Variants in COL6A5 observed in about 807,000 individuals in gnomAD.
The protein encoded by COL6A5 is collagen alpha-5(VI) chain.
COL6A5 carries 48 observed loss-of-function variants against 65.6 expected under a neutral mutation model. The observed-to-expected ratio is 0.73, with a 90% confidence interval of 0.58 to 0.93. COL6A5 has a LOEUF of 0.93. COL6A5 is among the 40% of genes least tolerant of loss of function. COL6A5 has a pLI of 0.00. For missense variants in COL6A5, 914 were observed against 928.3 expected, an observed-to-expected ratio of 0.98 and a Z score of 0.20; for synonymous variants, 291 against 322.8, an observed-to-expected ratio of 0.90 and a Z score of 1.05.
At chr3:130,383,807 A>G (rs992649850) in intron 4 of COL6A5, among the ~76,000 whole-genome samples, 2 of 152,100 alleles carry the variant, frequency 1.3e-5, no homozygotes, top group Admixed American at 1.3e-4. Flanking sequence ...AAGCAAAAAT[A>G]GTTTTTCATA....
chr3:130,482,341 G>A (rs1318197628), intron 7 of COL6A5, among the ~76,000 whole-genome samples: 1 of 152,108 alleles, frequency 6.6e-6, no homozygotes, highest in Non-Finnish European at 1.5e-5. Context: ...GTTTGTCAAA[G>A]ATCAGATGGT....
intron 5 of COL6A5, among the ~76,000 whole-genome samples, chr3:130,387,527 C>G (rs142057913): frequency 6.6e-6 from 1 of 152,108 alleles, no homozygotes; most frequent in African/African-American, 2.4e-5. Flanking sequence ...AATTTCTCCT[C>G]TCATGACTTT....
exon 14 of COL6A5, chr3:130,405,647 G>A (rs10934940): frequency 0.72 from 1,107,377 of 1,547,504 alleles, 411,898 homozygotes; most frequent in Non-Finnish European, 0.77. Flanking sequence ...GTCCAGGGGC[G>A]TGGGGTCAGA....
At chr3:130,471,116 G>A (rs776640792) in intron 7 of COL6A5, 149 bp downstream of exon 39, 35 of 627,712 alleles carry the variant, frequency 5.6e-5, no homozygotes, top group Non-Finnish European at 7.5e-5. Flanking sequence ...AATGCTACTC[G>A]TTTGTGATGA....
intron 4 of COL6A5, among the ~76,000 whole-genome samples, chr3:130,446,433 G>A (rs1709305885): frequency 1.3e-5 from 2 of 152,196 alleles, no homozygotes; most frequent in Admixed American, 1.3e-4. Flanking sequence ...CAGTGCTGAA[G>A]GAGGAAGAGA....
chr3:130,404,324 ACTGGATTT>A (rs1936915022), intron 13 of COL6A5, among the ~76,000 whole-genome samples: 1 of 152,194 alleles, frequency 6.6e-6, no homozygotes, highest in Non-Finnish European at 1.5e-5. Context: ...AAGCATCCAG[ACTGGATTT>A]CTATCACCTT....
chr3:130,437,159 G>A (rs889558284), intron 1 of COL6A5, among the ~76,000 whole-genome samples: 9 of 151,736 alleles, frequency 5.9e-5, no homozygotes, highest in East Asian at 1.9e-4. Context: ...TAATGTGTGC[G>A]TATATATGTG....
At chr3:130,434,388 A>G (rs931857287) in intron 1 of COL6A5, among the ~76,000 whole-genome samples, 1 of 152,230 alleles carries the variant, frequency 6.6e-6, no homozygotes, top group Non-Finnish European at 1.5e-5. Context: ...ATAGTGCTGC[A>G]ATAAACATAT....
intron 8 of COL6A5, among the ~76,000 whole-genome samples, chr3:130,396,984 T>A (rs2107659113): frequency 6.6e-6 from 1 of 152,314 alleles, no homozygotes; most frequent in East Asian, 1.9e-4. Context: ...TGCCTCAGTC[T>A]CCCGAATAGC....
chr3:130,422,817 T>A lies in COL6A5; in HGVS notation c.5100+35T>A. 3 of 1,307,774 alleles carry A rather than the reference T, an allele frequency of 2.3e-6. No homozygotes were observed. The South Asian group carries it at 4.3e-5, about 19-fold the overall frequency. 81.0% of individuals were successfully genotyped at this position (1,307,774 alleles called of 1,614,324 possible). ...CTATAATTCCAGAAATGATAAATAT[T>A]CCTTTGGCAGACTTTGGCTTTTATG... On this transcript the variant is annotated intron_variant and NMD_transcript_variant, in intron 28 of 41. Coordinates refer to the COL6A5 transcript ENST00000312481.
Position 130,376,651 on chromosome 3 carries a change from G to A in COL6A5, c.482G>A (p.Gly161Glu), listed in dbSNP as rs557460823. The A allele has an allele frequency of 1.5e-4, 249 of 1,612,980 alleles. No homozygotes were observed. Among genetic ancestry groups the A allele is most frequent in the Non-Finnish European group, 2.0e-4 (238 of 1,179,468 alleles). ...GCTTCGAAAGCCCTGCAGAAAGACG[G>A]GGTGAAAATTATCTCCGTGGGGGTG... is the stretch of plus-strand genomic sequence containing the variant. Residue 161 changes from glycine to glutamate, a missense_variant and NMD_transcript_variant, in exon 3 of 42, where the codon GGG becomes GAG. Coordinates refer to the COL6A5 transcript ENST00000312481.
intron 4 of COL6A5, among the ~76,000 whole-genome samples, chr3:130,381,603 G>A (rs1382034302): frequency 6.6e-6 from 1 of 151,846 alleles, no homozygotes; most frequent in Non-Finnish European, 1.5e-5. Context: ...CTTTTCAAAG[G>A]TACATGCCAA....
At chr3:130,400,193 GA>G (rs1936770335) in intron 10 of COL6A5, among the ~76,000 whole-genome samples, 1 of 152,036 alleles carries the variant, frequency 6.6e-6, no homozygotes, top group African/African-American at 2.4e-5. Flanking sequence ...TTATCCTTTA[GA>G]ATCAGCTTCA....
intron 4 of COL6A5, among the ~76,000 whole-genome samples, chr3:130,444,307 G>A (rs1431022411): frequency 3.3e-5 from 5 of 151,772 alleles, no homozygotes; most frequent in Non-Finnish European, 2.9e-5. Context: ...CTCAGCTTAC[G>A]AGATGACAGG....
At chr3:130,349,967 C>T (rs1282876432) in intron 1 of COL6A5, among the ~76,000 whole-genome samples, 1 of 152,158 alleles carries the variant, frequency 6.6e-6, no homozygotes, top group Non-Finnish European at 1.5e-5. Flanking sequence ...AGTTGGAGCT[C>T]TAAATGTTAT....
chr3:130,429,255 T>C (rs1022652029), upstream of COL6A5, among the ~76,000 whole-genome samples: 5 of 152,238 alleles, frequency 3.3e-5, no homozygotes, highest in African/African-American at 9.6e-5. Context: ...GAATTTCAGC[T>C]ATCTTGCTGT....
intron 24 of COL6A5, among the ~76,000 whole-genome samples, chr3:130,418,131 C>T (rs1028272728): frequency 2.0e-5 from 3 of 152,094 alleles, no homozygotes; most frequent in African/African-American, 7.2e-5. Flanking sequence ...CATTATACAA[C>T]ATATATGTAT....
Position 130,468,775 on chromosome 3 carries a change from C to G in COL6A5, c.1545-20C>G. The G allele has an allele frequency of 1.3e-6, 2 of 1,565,408 alleles. No homozygotes were observed. The highest frequency in any genetic ancestry group is 1.7e-6 in the Non-Finnish European group (2 of 1,147,700). ...CTTATCTTTCCATTAAAAAGAATGA[C>G]TTGAGTTATTCTGTTGCAGGACATG... On this transcript the variant is annotated intron_variant, in intron 5 of 7. Transcript: ENST00000512836.
In COL6A5 at chr3:130,466,126, C is replaced by T. The variant is rs1005616712; in HGVS notation, c.1545-2669C>T. The stretch of plus-strand genomic sequence containing the variant: ...GAGCAACACTATCAACTAACTTGAC[C>T]TAACTGACATTTGTAGAACACTCCA... On this transcript the variant is annotated intron_variant, in intron 5 of 7. Transcript: ENST00000512836. 2.0e-5 allele frequency among the ~76,000 whole-genome samples: 3 copies of T among 151,972 alleles called. No individual in the cohort carries two copies. The East Asian group carries it at 5.8e-4, about 29-fold the overall frequency.
Sources: allele counts gnomAD v4.1 joint callset (sites outside exome capture counted in the v4.1 genomes callset), GRCh38; gene constraint gnomAD v4.1.1; transcripts MANE v1.5; gene names NCBI Gene and HGNC (gene_info 2026-07-23, HGNC 2026-07-21).